The following RBFOX2 variants were observed in gnomAD, a reference collection of about 807,000 sequenced individuals.
The protein encoded by RBFOX2 is RNA binding protein fox-1 homolog 2.
A neutral mutation model predicts 49.1 loss-of-function variants in RBFOX2; 10 were observed. The observed-to-expected ratio is 0.20, with a 90% confidence interval of 0.13 to 0.35. RBFOX2 has a LOEUF of 0.35. RBFOX2 is among the 10% of genes least tolerant of loss of function. The pLI is 1.00. For missense variants in RBFOX2, 323 were observed against 486.9 expected, an observed-to-expected ratio of 0.66 and a Z score of 3.17; for synonymous variants, 183 against 187.4, an observed-to-expected ratio of 0.98 and a Z score of 0.19.
intron 1 of RBFOX2, among the ~76,000 whole-genome samples, chr22:35,959,264 T>A (rs1316788502): frequency 6.6e-6 from 1 of 152,198 alleles, no homozygotes; most frequent in African/African-American, 2.4e-5. Flanking sequence ...ATTAAGTGAC[T>A]GGATCCAGGC....
chr22:35,981,093 T>A lies in RBFOX2; in HGVS notation c.187-42196A>T, dbSNP rs566282993. 1.7e-4 allele frequency among the ~76,000 whole-genome samples: 26 copies of A among 152,322 alleles called. No homozygotes were observed. In the South Asian group the frequency reaches 4.8e-3, roughly 28 times the overall value. The stretch of plus-strand genomic sequence containing the variant: ...AGGCTTTTAGTAGTGGAATAATAAA[T>A]TTTTAATCACCAAAACAACGTTATG... On this transcript the variant is annotated intron_variant, in intron 1 of 13. Coordinates refer to the RBFOX2 transcript ENST00000438146.
chr22:35,962,332 A>T (rs1457996335), upstream of RBFOX2, among the ~76,000 whole-genome samples: 3 of 152,190 alleles, frequency 2.0e-5, no homozygotes, highest in African/African-American at 7.2e-5. Flanking sequence ...CTTTCCATCC[A>T]AGGGACTGAC....
chr22:35,808,688 A>G (rs1951218809), intron 2 of RBFOX2, among the ~76,000 whole-genome samples: 2 of 152,038 alleles, frequency 1.3e-5, no homozygotes, highest in African/African-American at 4.8e-5. Context: ...TCTCTACAAA[A>G]AAAATTAAAA....
At chr22:35,745,868 G>A (rs1037628256) in intron 11 of RBFOX2, 55 bp downstream of exon 13, 28 of 1,521,378 alleles carry the variant, frequency 1.8e-5, no homozygotes, top group Non-Finnish European at 2.4e-5. Flanking sequence ...TGTAGTCTAC[G>A]GGTAAAAGAA....
chr22:35,972,776 G>T (rs2056951167), intron 1 of RBFOX2, among the ~76,000 whole-genome samples: 1 of 152,140 alleles, frequency 6.6e-6, no homozygotes, highest in African/African-American at 2.4e-5. Context: ...GAGGCTCTCA[G>T]TTGGCACCCT....
chr22:35,958,835 C>G (rs1400853709), intron 1 of RBFOX2, among the ~76,000 whole-genome samples: 1 of 152,126 alleles, frequency 6.6e-6, no homozygotes, highest in Non-Finnish European at 1.5e-5. Context: ...CCTGTCATAT[C>G]TCGTTATACT....
chr22:35,847,173 A>ATT (rs2041324673), intron 1 of RBFOX2, among the ~76,000 whole-genome samples: 1 of 152,192 alleles, frequency 6.6e-6, no homozygotes, highest in African/African-American at 2.4e-5. Context: ...TTTTAAACTA[A>ATT]TTTGGCCAGA....
At chr22:35,922,737 T>C (rs1243485561) in intron 1 of RBFOX2, among the ~76,000 whole-genome samples, 2 of 152,202 alleles carry the variant, frequency 1.3e-5, no homozygotes, top group Admixed American at 1.3e-4. Context: ...ATAAAAATTA[T>C]ATGAAATTAA....
intron 1 of RBFOX2, among the ~76,000 whole-genome samples, chr22:35,834,088 A>G (rs1957239433): frequency 6.6e-6 from 1 of 152,218 alleles, no homozygotes; most frequent in Non-Finnish European, 1.5e-5. Context: ...ACATTCAACA[A>G]ATATTTACTG....
intron 1 of RBFOX2, among the ~76,000 whole-genome samples, chr22:35,815,950 T>C (rs1056834608): frequency 1.3e-5 from 2 of 152,148 alleles, no homozygotes; most frequent in Non-Finnish European, 2.9e-5. Context: ...TCAGATCTGG[T>C]ACTAAAAGCA....
intron 1 of RBFOX2, among the ~76,000 whole-genome samples, chr22:35,892,028 C>T (rs1486981265): frequency 1.3e-5 from 2 of 152,160 alleles, no homozygotes; most frequent in Non-Finnish European, 2.9e-5. Context: ...ATACCCTCAA[C>T]GTGATACAGA....
intron 1 of RBFOX2, among the ~76,000 whole-genome samples, chr22:35,893,228 G>A (rs935512091): frequency 3.9e-5 from 6 of 152,192 alleles, no homozygotes; most frequent in Non-Finnish European, 5.9e-5. Context: ...CTGCTCCAAG[G>A]GTTGTGGGGT....
chr22:35,940,678 A>G (rs774203360), upstream of RBFOX2, among the ~76,000 whole-genome samples: 5 of 152,274 alleles, frequency 3.3e-5, no homozygotes, highest in African/African-American at 4.8e-5. Flanking sequence ...CAAACAGCAG[A>G]AAAAAACCAA....
chr22:35,898,088 G>A lies in RBFOX2; in HGVS notation c.-34+40759C>T. On this transcript the variant is annotated intron_variant, in intron 1 of 13. Coordinates refer to the RBFOX2 transcript ENST00000359369. ...TCTTTATCTCTCGCGTCCCATTCCA[G>A]AAACAGAAGCTAGCCCAGGTCTCCC... The A allele has an allele frequency of 1.5e-5, 11 of 737,392 alleles. No homozygotes were observed. In the South Asian group the frequency reaches 1.5e-4, roughly 10 times the overall value. 45.7% of individuals were successfully genotyped at this position (737,392 alleles called of 1,614,324 possible). A position where few individuals can be genotyped will look rare whatever the true frequency, so the allele number is the denominator to read the frequency against.
At chr22:36,005,001 C>G (rs570491828) in intron 1 of RBFOX2, among the ~76,000 whole-genome samples, 1 of 152,166 alleles carries the variant, frequency 6.6e-6, no homozygotes, top group Non-Finnish European at 1.5e-5. Flanking sequence ...TTGAGTTCCT[C>G]TAACATAAGC....
chr22:35,916,453 T>C (rs2149549832), intron 1 of RBFOX2, among the ~76,000 whole-genome samples: 1 of 152,322 alleles, frequency 6.6e-6, no homozygotes, highest in Non-Finnish European at 1.5e-5. Flanking sequence ...GGCTAATATT[T>C]GTATTTTTAG....
Position 35,765,364 on chromosome 22 carries a change from TA to T in RBFOX2, c.607+58del, listed in dbSNP as rs554994925. 94 of 1,261,570 alleles carry T rather than the reference TA, an allele frequency of 7.5e-5. No individual in the cohort carries two copies. The African/African-American group carries it at 1.3e-3, about 17-fold the overall frequency. The allele number at this position is 1,261,570 out of a possible 1,614,324, so 78.1% of individuals were successfully genotyped here. ...AAATAAAGACATTCTTAGAAGTTTA[TA>T]AAAACTTCATATATTTACACAAGAA... is the stretch of plus-strand genomic sequence containing the variant. On this transcript the variant is annotated intron_variant, in intron 6 of 11. Transcript: ENST00000405409.
chr22:36,005,920 GA>G (rs1168742429), intron 1 of RBFOX2, among the ~76,000 whole-genome samples: 1 of 152,172 alleles, frequency 6.6e-6, no homozygotes. Flanking sequence ...ATTTTTAGCT[GA>G]AAAAGTTTAT....
At chr22:35,945,973 A>C (rs548740818) in intron 1 of RBFOX2, among the ~76,000 whole-genome samples, 19 of 152,054 alleles carry the variant, frequency 1.2e-4, no homozygotes, top group African/African-American at 4.6e-4. Context: ...TACATTCACT[A>C]CTCCCTCCAC....
Sources: gnomAD v4.1 joint callset for allele counts (sites outside exome capture counted in the v4.1 genomes callset) on GRCh38, gnomAD v4.1.1 for gene constraint, MANE v1.5 for transcripts, NCBI Gene and HGNC (gene_info 2026-07-23, HGNC 2026-07-21) for gene names.